Variants in MED13L observed in about 807,000 individuals in gnomAD.
MED13L encodes the protein mediator of RNA polymerase II transcription subunit 13-like.
In MED13L, 7 loss-of-function variants were observed where a neutral mutation model predicts 220.9. The ratio of observed to expected loss-of-function variants is 0.03; its 90% CI spans 0.02 to 0.06. The LOEUF (loss-of-function observed/expected upper bound fraction) is 0.06, where lower values mean the gene tolerates loss of function less well. Among genes scored for constraint, MED13L ranks in the 10% least tolerant of loss-of-function variants. The probability of loss-of-function intolerance (pLI) is 1.00; values close to 1 mark genes in which losing one functional copy is unlikely to be tolerated. For synonymous variants in MED13L, 1,011 were observed against 1,015.2 expected (o/e 1.00, Z 0.08); for missense variants, 1,965 against 2,760.5 (o/e 0.71, Z 6.46).
intron 13 of MED13L, among the ~76,000 whole-genome samples, chr12:116,003,896 A>C (rs1178932867): frequency 1.3e-5 from 2 of 152,234 alleles, no homozygotes; most frequent in African/African-American, 4.8e-5. Flanking sequence ...ATATATTCTA[A>C]GGTAAACCGC....
At chr12:116,176,636 A>G (rs1009027763) in intron 2 of MED13L, among the ~76,000 whole-genome samples, 1 of 152,146 alleles carries the variant, frequency 6.6e-6, no homozygotes, top group East Asian at 1.9e-4. Context: ...ATCTCTGGAG[A>G]ATTTTGAAAA....
chr12:116,030,499 A>C (rs1197843969), intron 4 of MED13L, among the ~76,000 whole-genome samples: 2 of 152,218 alleles, frequency 1.3e-5, no homozygotes, highest in African/African-American at 4.8e-5. Context: ...GAAAGCAAGG[A>C]GTAAACACAA....
intron 6 of MED13L, among the ~76,000 whole-genome samples, 161 bp from the exon 7 acceptor site, chr12:116,019,573 T>G (rs1879930491): frequency 6.6e-6 from 1 of 152,164 alleles, no homozygotes; most frequent in Admixed American, 6.5e-5. Flanking sequence ...AAACATGTGT[T>G]CCAACATGAT....
intron 2 of MED13L, among the ~76,000 whole-genome samples, chr12:116,199,609 T>C (rs1881865888): frequency 1.3e-5 from 2 of 152,166 alleles, no homozygotes; most frequent in African/African-American, 4.8e-5. Flanking sequence ...CTGATTGCCC[T>C]AAAGCACTTT....
Position 115,982,446 on chromosome 12 carries a change from G to C in MED13L, c.5113C>G (p.Arg1705Gly). The C allele has an allele frequency of 1.9e-6, 3 of 1,614,066 alleles. No homozygotes were observed. The highest frequency in any genetic ancestry group is 2.5e-6 in the Non-Finnish European group (3 of 1,179,974). ...SGNFWLLSLM[R>G]CYTEMLDNLP... is the part of the protein sequence containing the mutation. Reference sequence around the variant, plus strand: ...TTATCCAGCATTTCTGTGTAGCAGCGCATCAAGCTCAACAGCCAAAAGTTC... The same window carrying C: ...TTATCCAGCATTTCTGTGTAGCAGCCCATCAAGCTCAACAGCCAAAAGTTC... Residue 1705 changes from arginine to glycine, a missense_variant, in exon 22 of 31, where the codon CGC becomes GGC. Coordinates refer to ENST00000281928, the MANE Select transcript of MED13L (RefSeq NM_015335.5).
At chr12:115,965,179 C>A (rs973695156) in intron 29 of MED13L, among the ~76,000 whole-genome samples, 1 of 152,132 alleles carries the variant, frequency 6.6e-6, no homozygotes, top group Non-Finnish European at 1.5e-5. Context: ...ATGTGCATAT[C>A]TTATAGATTA....
chr12:116,050,483 G>C (rs891095198), intron 4 of MED13L, among the ~76,000 whole-genome samples: 1 of 152,036 alleles, frequency 6.6e-6, no homozygotes, highest in Non-Finnish European at 1.5e-5. Flanking sequence ...AGGAAGCCAA[G>C]TTCGGCTAAT....
At position 116,026,641 on chromosome 12, in the gene MED13L, T is replaced by C. The variant is rs116944864; in HGVS notation, c.480-4040A>G. 1.6e-4 allele frequency among the ~76,000 whole-genome samples: 25 copies of C among 152,300 alleles called. No individual in the cohort carries two copies. The East Asian group carries it at 4.8e-3, about 29-fold the overall frequency. On this transcript the variant is annotated intron_variant, in intron 4 of 30. Transcript: ENST00000281928. ...TGCTCCTGGCTCAAAGACCACACTT[T>C]GAGAATCACTGGATTTGATAATGCC...
chr12:116,251,849 G>A (rs1320915507), intron 1 of MED13L, among the ~76,000 whole-genome samples: 2 of 151,154 alleles, frequency 1.3e-5, no homozygotes, highest in African/African-American at 4.9e-5. Context: ...AGAGTGAAAT[G>A]ACAGAAAAAA....
chr12:116,224,455 G>A (rs980533860), intron 2 of MED13L, among the ~76,000 whole-genome samples: 2 of 152,122 alleles, frequency 1.3e-5, no homozygotes, highest in Non-Finnish European at 2.9e-5. Context: ...CCCCACATAG[G>A]AGACTTTACT....
At chr12:116,130,463 T>A (rs1042248121) in intron 2 of MED13L, among the ~76,000 whole-genome samples, 2 of 152,152 alleles carry the variant, frequency 1.3e-5, no homozygotes, top group Non-Finnish European at 2.9e-5. Flanking sequence ...AAAATATTAA[T>A]GAAAAGGTAA....
chr12:115,998,147 A>G (rs1878521322), intron 14 of MED13L, among the ~76,000 whole-genome samples: 1 of 152,242 alleles, frequency 6.6e-6, no homozygotes, highest in Non-Finnish European at 1.5e-5. Flanking sequence ...GTTTCCTTTA[A>G]TACACCTGTA....
chr12:116,208,248 T>A (rs1199021759), intron 2 of MED13L, among the ~76,000 whole-genome samples: 2 of 152,050 alleles, frequency 1.3e-5, no homozygotes, highest in Non-Finnish European at 2.9e-5. Context: ...TACAAAAAAA[T>A]TAGCCAGGTA....
At chr12:116,230,929 A>T (rs1193154286) in intron 2 of MED13L, among the ~76,000 whole-genome samples, 2 of 152,242 alleles carry the variant, frequency 1.3e-5, no homozygotes, top group African/African-American at 2.4e-5. Flanking sequence ...GATTTTGGAA[A>T]ATTCAATGTC....
chr12:116,163,362 ATT>A (rs35808540), intron 2 of MED13L, among the ~76,000 whole-genome samples: 34,552 of 140,292 alleles, frequency 0.25, 4,342 homozygotes, highest in African/African-American at 0.31. Flanking sequence ...TAGGTGAAGA[ATT>A]TTTTTTTTTT....
At chr12:116,192,216 A>C (rs1428158670) in intron 2 of MED13L, among the ~76,000 whole-genome samples, 1 of 152,220 alleles carries the variant, frequency 6.6e-6, no homozygotes, top group Admixed American at 6.5e-5. Flanking sequence ...CCCATCCCTT[A>C]TGTAGCCAAG....
chr12:116,020,045 T>C, intron 5 of MED13L, 73 bp from the exon 6 acceptor site: 2 of 1,349,264 alleles, frequency 1.5e-6, no homozygotes, highest in Non-Finnish European at 2.1e-6. Flanking sequence ...ACTACATATG[T>C]GGTAATTTTA....
chr12:116,144,846 T>A (rs1337620442), intron 2 of MED13L, among the ~76,000 whole-genome samples: 3 of 152,210 alleles, frequency 2.0e-5, no homozygotes, highest in Non-Finnish European at 4.4e-5. Context: ...ATTTAACTTA[T>A]CTGCTATCTA....
At chr12:116,152,411 C>T (rs1285989982) in intron 2 of MED13L, among the ~76,000 whole-genome samples, 2 of 152,054 alleles carry the variant, frequency 1.3e-5, no homozygotes, top group Non-Finnish European at 2.9e-5. Flanking sequence ...GTGATTAAAG[C>T]GTCAAGTTTT....
Sources: gnomAD v4.1 joint callset for allele counts (sites outside exome capture counted in the v4.1 genomes callset) on GRCh38, gnomAD v4.1.1 for gene constraint, MANE v1.5 for transcripts, NCBI Gene and HGNC (gene_info 2026-07-23, HGNC 2026-07-21) for gene names.